The following APOBEC3B variants were observed in gnomAD, a reference collection of about 807,000 sequenced individuals.
APOBEC3B encodes the protein apolipoprotein B mRNA editing enzyme catalytic subunit 3B, also known as DNA dC->dU-editing enzyme APOBEC-3B.
A neutral mutation model predicts 53.4 loss-of-function variants in APOBEC3B; 29 were observed. That is an observed-to-expected ratio of 0.54 (90% CI 0.40 to 0.74). The LOEUF is 0.74. Among genes scored for constraint, APOBEC3B ranks in the 30% least tolerant of loss-of-function variants. The pLI, the probability that APOBEC3B is intolerant of heterozygous loss-of-function variation, is 0.00. For missense variants in APOBEC3B, 347 were observed against 496.2 expected (o/e 0.70, Z 2.86); for synonymous variants, 132 against 184.8 (o/e 0.71, Z 2.32).
rs1411068983 is a variant in APOBEC3B at position 38,991,623 on chromosome 22, G to A, written c.1015G>A (p.Asp339Asn). Residue 339 changes from aspartate to asparagine, a missense_variant, in exon 6 of 8, where the codon GAT (aspartate) becomes AAT (asparagine). This residue lies in a region of APOBEC3B where 78 missense variants were observed against 103.9 expected (regional missense o/e 0.75). Coordinates refer to ENST00000333467, the MANE Select transcript of APOBEC3B (RefSeq NM_004900.5). ...AGAQVSIMTY[D>N]EFEYCWDTFV... ...GGCCCAAGTCTCCATCATGACCTAC[G>A]ATGGTAAGAATGGAAGGTTCAGGTG... 7.3e-6 allele frequency: 9 copies of A among 1,229,912 alleles called. 1 individual carries two copies. The highest frequency in any genetic ancestry group is 1.2e-5 in the South Asian group (1 of 83,336). 76.2% of individuals were successfully genotyped at this position (1,229,912 alleles called of 1,614,324 possible). A position where few individuals can be genotyped will look rare whatever the true frequency, so the allele number is the denominator to read the frequency against.
chr22:38,989,303 A>G (rs1923893097), intron 4 of APOBEC3B, among the ~76,000 whole-genome samples, 154 bp from the exon 5 acceptor site: 1 of 148,218 alleles, frequency 6.7e-6, no homozygotes, highest in African/African-American at 2.5e-5. Context: ...GAGAGAGAGG[A>G]TCAGTGGCCC....
intron 1 of APOBEC3B, 125 bp downstream of exon 1, chr22:38,982,595 C>A: frequency 8.5e-7 from 1 of 1,175,648 alleles, no homozygotes; most frequent in East Asian, 2.9e-5. Flanking sequence ...CTCTGGCTCC[C>A]CTGCCACACG....
chr22:38,989,609 A>G lies in APOBEC3B; in HGVS notation c.722A>G (p.Glu241Gly), dbSNP rs1263709247. The change falls in exon 5 of 8, where the codon GAG becomes GGG. Residue 241 changes from glutamate to glycine, a missense_variant and splice_region_variant. Physicochemically the swap from Glu to Gly is moderately conservative, Grantham distance 98. Transcript: ENST00000333467. ...MDQHMGFLCN[E>G]AKNLLCGFYG... Reference sequence around the variant, plus strand: ...CAGCACATGGGCTTTCTATGCAACGAGGTGACCGACCCAGCCACCTGCATC... The same window carrying G: ...CAGCACATGGGCTTTCTATGCAACGGGGTGACCGACCCAGCCACCTGCATC... 6.4e-7 allele frequency: 1 copy of G among 1,565,354 alleles called. No homozygotes were observed. Among genetic ancestry groups the G allele is most frequent in the South Asian group, 1.2e-5 (1 of 86,388 alleles).
At chr22:38,986,252 C>A in intron 3 of APOBEC3B, 46 bp from the exon 4 acceptor site, 1 of 1,590,228 alleles carries the variant, frequency 6.3e-7, no homozygotes, top group Non-Finnish European at 8.5e-7. Flanking sequence ...GGAGGACAGG[C>A]CAGGGTCAGG....
chr22:38,990,340 C>T lies in APOBEC3B; in HGVS notation c.723+730C>T, dbSNP rs1013743509. Among the ~76,000 whole-genome samples the T allele has an allele frequency of 3.0e-4, 44 of 147,404 alleles. 3 individuals are homozygous for T. Among genetic ancestry groups the T allele is most frequent in the Non-Finnish European group, 3.0e-4 (20 of 67,122 alleles). ...CCATCACCGCCTAAGCAGTGGGACT[C>T]CCCCAGGAATGACCCACAGCCCCTT... On this transcript the variant is annotated intron_variant, in intron 5 of 7. Transcript: ENST00000333467.
intron 4 of APOBEC3B, among the ~76,000 whole-genome samples, chr22:38,988,841 G>A (rs80355967): frequency 0.019 from 2,718 of 145,914 alleles, 199 homozygotes; most frequent in African/African-American, 0.056. Flanking sequence ...AGAGGGGCCG[G>A]GAGAGGCCTT....
chr22:38,985,748 C>A, intron 2 of APOBEC3B, 64 bp from the exon 3 acceptor site: 2 of 1,400,100 alleles, frequency 1.4e-6, no homozygotes, highest in Non-Finnish European at 9.7e-7. Flanking sequence ...CTCTCCCTGC[C>A]CCACCCCTGC....
intron 1 of APOBEC3B, among the ~76,000 whole-genome samples, chr22:38,983,349 G>A (rs926431822): frequency 4.0e-5 from 6 of 148,220 alleles, no homozygotes; most frequent in Admixed American, 1.4e-4. Context: ...TCAGTAACAT[G>A]GAATGTGAGA....
intron 1 of APOBEC3B, 79 bp downstream of exon 1, chr22:38,982,549 T>TGCCCCC: frequency 3.3e-6 from 5 of 1,520,092 alleles, no homozygotes; most frequent in Admixed American, 1.9e-5. Context: ...AACCCTGGCC[T>TGCCCCC]CCCCCCGCCC....
At chr22:38,983,611 G>A (rs1923617348) in intron 1 of APOBEC3B, among the ~76,000 whole-genome samples, 1 of 148,954 alleles carries the variant, frequency 6.7e-6, no homozygotes, top group Non-Finnish European at 1.5e-5. Context: ...GTAGCCTCAC[G>A]TGAGCTCACA....
rs759479607 is a variant in APOBEC3B, at chr22:38,983,625, G to A, written c.18-450G>A. On this transcript the variant is annotated intron_variant, in intron 1 of 7. Coordinates refer to ENST00000333467, the MANE Select transcript of APOBEC3B (RefSeq NM_004900.5). ...GGTAGCCTCACGTGAGCTCACACCC[G>A]CTCAGCACTTAGAAGAGTGGCCTGG... is the stretch of plus-strand genomic sequence containing the variant. 6.0e-5 allele frequency among the ~76,000 whole-genome samples: 9 copies of A among 149,090 alleles called. 2 individuals carry two copies. The highest frequency in any genetic ancestry group is 8.9e-5 in the Non-Finnish European group (6 of 67,416).
rs1220533244 is a variant in APOBEC3B, at chr22:38,986,358, A to G, written c.515A>G (p.Tyr172Cys). ...YNEGQQFMPW[Y>C]KFDENYAFLH... Reference sequence around the variant, plus strand: ...GAAGGTCAGCAATTCATGCCTTGGTACAAATTCGATGAAAATTATGCATTC... The same window carrying G: ...GAAGGTCAGCAATTCATGCCTTGGTGCAAATTCGATGAAAATTATGCATTC... The change falls in exon 4 of 8, where the codon TAC (tyrosine) becomes TGC (cysteine). Residue 172 changes from tyrosine to cysteine, a missense_variant. Physicochemically the swap from Tyr to Cys is radical, Grantham distance 194. This residue lies in a region of APOBEC3B where 156 missense variants were observed against 166.7 expected (regional missense o/e 0.94). Transcript: ENST00000333467. 4 of 1,593,966 alleles carry G rather than the reference A, an allele frequency of 2.5e-6. No individual in the cohort carries two copies. The highest frequency in any genetic ancestry group is 3.4e-6 in the Non-Finnish European group (4 of 1,172,692).
chr22:38,986,384 C>T lies in APOBEC3B; in HGVS notation c.541C>T (p.Leu181=). 1.3e-6 allele frequency: 2 copies of T among 1,593,836 alleles called. 1 individual carries two copies. The highest frequency in any genetic ancestry group is 5.0e-5 in the East Asian group (2 of 40,338). ...WYKFDENYAF[L]HRTLKEILRY... is the part of the protein sequence containing the mutation. ...CAAATTCGATGAAAATTATGCATTC[C>T]TGCACCGCACGCTAAAGGAGATTCT... The change falls in exon 4 of 8, where the codon CTG becomes TTG. Residue 181 remains leucine (L), a synonymous_variant. Transcript: ENST00000333467.
Position 38,989,152 on chromosome 22 carries a change from A to G in APOBEC3B, c.570-305A>G, listed in dbSNP as rs956609237. On this transcript the variant is annotated intron_variant, in intron 4 of 7. Coordinates refer to ENST00000333467, the MANE Select transcript of APOBEC3B (RefSeq NM_004900.5). ...GTGCATGGTGAGGCCAGGGAAGGAG[A>G]CCCAGCTCTACCCCAGGGAGAGGGG... Among the ~76,000 whole-genome samples, 12 of 147,498 alleles carry G rather than the reference A, an allele frequency of 8.1e-5. 1 individual carries two copies. Among genetic ancestry groups the G allele is most frequent in the African/African-American group, 3.0e-4 (12 of 40,560 alleles).
intron 4 of APOBEC3B, among the ~76,000 whole-genome samples, chr22:38,989,168 G>A (rs1248813237): frequency 6.8e-6 from 1 of 148,142 alleles, no homozygotes; most frequent in Non-Finnish European, 1.5e-5. Flanking sequence ...CTCTACCCCA[G>A]GGAGAGGGGC....
chr22:38,986,339 C>G lies in APOBEC3B; in HGVS notation c.496C>G (p.Gln166Glu). Reference sequence around the variant, plus strand: ...GGAAAACTTTGTGTACAATGAAGGTCAGCAATTCATGCCTTGGTACAAATT... The same window carrying G: ...GGAAAACTTTGTGTACAATGAAGGTGAGCAATTCATGCCTTGGTACAAATT... ...CWENFVYNEG[Q>E]QFMPWYKFDE... The change falls in exon 4 of 8, where the codon CAG becomes GAG. Residue 166 changes from glutamine to glutamate, a missense_variant. By Grantham distance (29) the Gln-to-Glu change is conservative. Around this residue, in one of 5 missense-constraint regions of APOBEC3B, gnomAD observed 156 missense variants for 166.7 expected, o/e 0.94. Transcript: ENST00000333467. The G allele has an allele frequency of 6.3e-7, 1 of 1,593,884 alleles. No homozygotes were observed. The highest frequency in any genetic ancestry group is 8.5e-7 in the Non-Finnish European group (1 of 1,172,660).
At chr22:38,982,557 C>A in intron 1 of APOBEC3B, 87 bp downstream of exon 1, 2 of 1,504,900 alleles carry the variant, frequency 1.3e-6, no homozygotes, top group Non-Finnish European at 9.1e-7. Context: ...CCTCCCCCCG[C>A]CCCTGCCCCA....
chr22:38,990,776 G>A (rs1263740974), intron 5 of APOBEC3B, among the ~76,000 whole-genome samples: 9 of 145,926 alleles, frequency 6.2e-5, no homozygotes, highest in African/African-American at 2.3e-4. Flanking sequence ...TCCCCTTGAA[G>A]GAAGCACACT....
At chr22:38,982,541 C>T (rs1923573812) in intron 1 of APOBEC3B, 71 bp downstream of exon 1, 1 of 1,550,452 alleles carries the variant, frequency 6.4e-7, no homozygotes, top group Non-Finnish European at 8.8e-7. Flanking sequence ...TGGGCCTCAA[C>T]CCTGGCCTCC....
Sources: gnomAD v4.1 joint callset for allele counts (sites outside exome capture counted in the v4.1 genomes callset) on GRCh38, gnomAD v4.1.1 for gene constraint, gnomAD v4.1.1 regional missense constraint, MANE v1.5 for transcripts, NCBI Gene and HGNC (gene_info 2026-07-23, HGNC 2026-07-21) for gene names.